Variants in RELN observed in about 807,000 individuals in gnomAD.
The protein encoded by RELN is reelin.
In RELN, 108 loss-of-function variants were observed where a neutral mutation model predicts 427.6. The observed-to-expected ratio is 0.25, with a 90% CI of 0.22 to 0.30. RELN has a LOEUF of 0.30. Ranked by LOEUF, RELN falls within the 10% of genes least tolerant of loss-of-function variation. The pLI is 1.00. For missense variants in RELN, 3,715 were observed against 4,302.8 expected, an observed-to-expected ratio of 0.86 and a Z score of 3.82; for synonymous variants, 1,524 against 1,513.4, an observed-to-expected ratio of 1.01 and a Z score of -0.16.
At chr7:103,827,084 A>G (rs1260470509) in intron 3 of RELN, among the ~76,000 whole-genome samples, 1 of 152,000 alleles carries the variant, frequency 6.6e-6, no homozygotes, top group Non-Finnish European at 1.5e-5. Flanking sequence ...GATTAAAAAA[A>G]GGAAGAAGAG....
intron 51 of RELN, among the ~76,000 whole-genome samples, chr7:103,504,072 C>A (rs993248341): frequency 6.6e-6 from 1 of 151,990 alleles, no homozygotes; most frequent in Admixed American, 6.6e-5. Context: ...GGCATGGTGG[C>A]GTGCACCTGT....
intron 10 of RELN, among the ~76,000 whole-genome samples, chr7:103,687,929 A>C (rs1833796395): frequency 6.6e-6 from 1 of 152,112 alleles, no homozygotes; most frequent in Admixed American, 6.6e-5. Context: ...ATTCCACATT[A>C]ATTACTGTAC....
At chr7:103,690,542 G>A (rs1411759049) in intron 10 of RELN, among the ~76,000 whole-genome samples, 1 of 151,954 alleles carries the variant, frequency 6.6e-6, no homozygotes, top group African/African-American at 2.4e-5. Flanking sequence ...GGAGCAGCTG[G>A]AAAAAAATAC....
At position 103,707,504 on chromosome 7, in the gene RELN, C is replaced by CTT. The variant is rs543258102; in HGVS notation, c.806-6500_806-6499dup. Among the ~76,000 whole-genome samples the CTT allele has an allele frequency of 2.2e-3, 310 of 143,418 alleles. 3 individuals are homozygous for CTT. Among genetic ancestry groups the CTT allele is most frequent in the African/African-American group, 7.6e-3 (298 of 39,032 alleles). The allele number at this position is 143,418 out of a possible 152,430, so 94.1% of individuals were successfully genotyped here. A position where few individuals can be genotyped will look rare whatever the true frequency, so the allele number is the denominator to read the frequency against. Reference sequence around the variant, plus strand: ...GCTTGCAAATCTATTTCTTTCTTTTCTTTTTTTTTTTTTGAGATGGAGTCT... The same window carrying CTT: ...GCTTGCAAATCTATTTCTTTCTTTTCTTTTTTTTTTTTTTTGAGATGGAGTCT... On this transcript the variant is annotated intron_variant, in intron 8 of 64. Coordinates refer to ENST00000428762, the MANE Select transcript of RELN (RefSeq NM_005045.4).
At position 103,668,368 on chromosome 7, in the gene RELN, T is replaced by C. The variant is rs566723587; in HGVS notation, c.1290-6841A>G. ...TATTTGACATTTTAAAACCAATTTC[T>C]CTTTAATTTCTTGCCATGTCTAATT... On this transcript the variant is annotated intron_variant, in intron 11 of 64. Transcript: ENST00000428762. 8.5e-5 allele frequency among the ~76,000 whole-genome samples: 13 copies of C among 152,336 alleles called. No individual in the cohort carries two copies. In the South Asian group the frequency reaches 2.7e-3, roughly 32 times the overall value.
At chr7:103,485,189 A>G (rs555237379) in intron 61 of RELN, among the ~76,000 whole-genome samples, 1 of 147,718 alleles carries the variant, frequency 6.8e-6, no homozygotes, top group Non-Finnish European at 1.5e-5. Flanking sequence ...TACAGAAAAC[A>G]CCAGGTTATC....
At chr7:103,847,401 C>T (rs1793706559) in intron 2 of RELN, among the ~76,000 whole-genome samples, 1 of 152,160 alleles carries the variant, frequency 6.6e-6, no homozygotes, top group African/African-American at 2.4e-5. Flanking sequence ...AAACATCACA[C>T]ACCAGGGCCT....
intron 1 of RELN, among the ~76,000 whole-genome samples, chr7:103,955,598 C>T (rs1429884162): frequency 6.6e-6 from 1 of 152,194 alleles, no homozygotes; most frequent in Non-Finnish European, 1.5e-5. Context: ...TTCTTTGCTG[C>T]ACCCTGAAAC....
intron 4 of RELN, among the ~76,000 whole-genome samples, chr7:103,754,981 A>G (rs1489214760): frequency 2.0e-5 from 3 of 152,186 alleles, no homozygotes; most frequent in Non-Finnish European, 4.4e-5. Context: ...ACATCCTGCT[A>G]TTAAGGCACT....
chr7:103,685,603 T>C (rs988076237), intron 10 of RELN, among the ~76,000 whole-genome samples: 1 of 152,174 alleles, frequency 6.6e-6, no homozygotes, highest in Non-Finnish European at 1.5e-5. Flanking sequence ...GCACTCCTAA[T>C]GTACATTATT....
chr7:103,754,593 T>C (rs1219223809), intron 4 of RELN, among the ~76,000 whole-genome samples: 1 of 146,636 alleles, frequency 6.8e-6, no homozygotes, highest in African/African-American at 2.5e-5. Flanking sequence ...AGCAATATAG[T>C]AGGAGACCTC....
chr7:103,562,008 A>G, intron 34 of RELN, 55 bp from the exon 35 acceptor site: 1 of 1,572,638 alleles, frequency 6.4e-7, no homozygotes, highest in Non-Finnish European at 8.6e-7. Flanking sequence ...GCAACCTTGA[A>G]AGCACAAGGA....
rs925053750 is a variant in RELN at position 103,620,946 on chromosome 7, A to G, written c.2702+8994T>C. On this transcript the variant is annotated intron_variant, in intron 20 of 64. Transcript: ENST00000428762. The surrounding 1 kb of genome is among the most constrained non-coding windows in gnomAD (Gnocchi z 4.1). ...ACAGCCCTGGCTGAAAACATTTAGCATGGAGGGGAGAGAGAAAATACACGA... is the reference window on the plus strand; with the variant it reads ...ACAGCCCTGGCTGAAAACATTTAGCGTGGAGGGGAGAGAGAAAATACACGA... 6.6e-6 allele frequency among the ~76,000 whole-genome samples: 1 copy of G among 152,220 alleles called. No homozygotes were observed. Among genetic ancestry groups the G allele is most frequent in the Non-Finnish European group, 1.5e-5 (1 of 68,032 alleles).
rs112958716 is a variant in RELN, at chr7:103,835,281, A to G, written c.338-1609T>C. Among the ~76,000 whole-genome samples, 1,284 of 152,334 alleles carry G rather than the reference A, an allele frequency of 8.4e-3. 16 individuals carry two copies. The highest frequency in any genetic ancestry group is 0.029 in the African/African-American group (1,193 of 41,574). Reference sequence around the variant, plus strand: ...GACATTAAAAAGATCAGGAGTTGCCAGGAGTTAAAGAGGGAGGTAGGATGA... The same window carrying G: ...GACATTAAAAAGATCAGGAGTTGCCGGGAGTTAAAGAGGGAGGTAGGATGA... On this transcript the variant is annotated intron_variant, in intron 2 of 64. Coordinates refer to ENST00000428762, the MANE Select transcript of RELN (RefSeq NM_005045.4).
chr7:103,571,061 A>G (rs911573248), intron 31 of RELN, among the ~76,000 whole-genome samples: 1 of 152,248 alleles, frequency 6.6e-6, no homozygotes, highest in African/African-American at 2.4e-5. Context: ...TACTAGACTA[A>G]AAGTACTAAG....
chr7:103,579,146 A>T (rs185290276), intron 28 of RELN, among the ~76,000 whole-genome samples: 1 of 152,314 alleles, frequency 6.6e-6, no homozygotes, highest in East Asian at 1.9e-4. Context: ...TTAATCAAAC[A>T]CCCACACAAA....
chr7:103,517,901 A>G (rs892657357), intron 49 of RELN, among the ~76,000 whole-genome samples: 1 of 152,210 alleles, frequency 6.6e-6, no homozygotes, highest in African/African-American at 2.4e-5. Context: ...CTATGTGGCT[A>G]AACTCAATAG....
intron 18 of RELN, 93 bp downstream of exon 18, chr7:103,636,142 T>C (rs1285961001): frequency 3.4e-6 from 3 of 885,990 alleles, no homozygotes; most frequent in African/African-American, 1.7e-5. Context: ...GAGATGTCTA[T>C]CAGAAAAAAT....
At chr7:103,567,889 C>T (rs941936258) in intron 31 of RELN, among the ~76,000 whole-genome samples, 3 of 151,928 alleles carry the variant, frequency 2.0e-5, no homozygotes, top group South Asian at 2.1e-4. Flanking sequence ...TTTTCCTCCC[C>T]GGGCTCAAGT....
Sources: gnomAD v4.1 joint callset for allele counts (sites outside exome capture counted in the v4.1 genomes callset) on GRCh38, gnomAD v4.1.1 for gene constraint, Gnocchi (gnomAD v3.1) non-coding constraint, MANE v1.5 for transcripts, NCBI Gene and HGNC (gene_info 2026-07-23, HGNC 2026-07-21) for gene names.